The following AFF1 variants were observed in gnomAD, a reference collection of about 807,000 sequenced individuals.
AFF1 encodes the protein AF4/FMR2 family member 1.
AFF1 carries 48 observed loss-of-function variants against 121.7 expected under a neutral mutation model. The ratio of observed to expected loss-of-function variants is 0.39; its 90% confidence interval spans 0.31 to 0.50. AFF1 has a LOEUF of 0.50. AFF1 is among the 20% of genes least tolerant of loss of function. The probability of loss-of-function intolerance (pLI) is 0.76; values close to 1 mark genes in which losing one functional copy is unlikely to be tolerated. For missense variants in AFF1, 1,523 were observed against 1,511.7 expected, an observed-to-expected ratio of 1.01 and a Z score of -0.12; for synonymous variants, 613 against 563.0, an observed-to-expected ratio of 1.09 and a Z score of -1.26.
At position 87,047,213 on chromosome 4, in the gene AFF1, A is replaced by G; in HGVS notation, c.678A>G (p.Gln226=). Reference sequence around the variant, plus strand: ...TGTCACCTATACATTCCAACCAGCAAACTCTTCCCCGGACGCAAGGAAGCA... The same window carrying G: ...TGTCACCTATACATTCCAACCAGCAGACTCTTCCCCGGACGCAAGGAAGCA... ...PPLSPIHSNQ[Q]TLPRTQGSSK... The change falls in exon 4 of 21, where the codon CAA becomes CAG. Residue 226 remains glutamine (Q), a synonymous_variant. Transcript: ENST00000395146. 3 of 1,614,072 alleles carry G rather than the reference A, an allele frequency of 1.9e-6. No homozygotes were observed. The South Asian group carries it at 3.3e-5, about 18-fold the overall frequency.
intron 2 of AFF1, among the ~76,000 whole-genome samples, chr4:87,005,707 AC>A (rs1726053539): frequency 6.6e-6 from 1 of 152,234 alleles, no homozygotes; most frequent in Non-Finnish European, 1.5e-5. Context: ...CCATTTTATC[AC>A]AAAGAACATC....
chr4:87,094,863 G>C, intron 7 of AFF1, 52 bp from the exon 8 acceptor site: 1 of 1,572,662 alleles, frequency 6.4e-7, no homozygotes, highest in Non-Finnish European at 8.7e-7. Flanking sequence ...CACAACTAAG[G>C]ATCTTGTAAA....
intron 1 of AFF1, among the ~76,000 whole-genome samples, chr4:86,946,732 A>T (rs1720892109): frequency 6.6e-6 from 1 of 151,992 alleles, no homozygotes; most frequent in African/African-American, 2.4e-5. Context: ...CTCAGGATAC[A>T]TTTGTTGGTT....
At chr4:87,122,648 A>G (rs1389285731) in intron 12 of AFF1, among the ~76,000 whole-genome samples, 3 of 152,132 alleles carry the variant, frequency 2.0e-5, no homozygotes, top group Non-Finnish European at 4.4e-5. Flanking sequence ...CTAATGAATT[A>G]TTACATTTCT....
chr4:86,997,878 GC>G (rs1725342577), intron 2 of AFF1, among the ~76,000 whole-genome samples: 1 of 151,996 alleles, frequency 6.6e-6, no homozygotes, highest in Non-Finnish European at 1.5e-5. Flanking sequence ...GGAGGCCGAG[GC>G]TGAGGTCAAG....
At position 87,138,332 on chromosome 4, in the gene AFF1, G is replaced by A; in HGVS notation, c.*2631G>A. 4.3e-6 allele frequency: 1 copy of A among 232,298 alleles called. No individual in the cohort carries two copies. The highest frequency in any genetic ancestry group is 6.1e-5 in the East Asian group (1 of 16,394). 14.4% of individuals were successfully genotyped at this position (232,298 alleles called of 1,614,324 possible). ...CTTACAATTCCCAAAGGCAAAATCT[G>A]TACTGAGGTAGATCATTTGAAAGGG... On this transcript the variant is annotated 3_prime_UTR_variant, in exon 21 of 21. Transcript: ENST00000395146.
At chr4:86,986,845 GTTA>G (rs956781242) in intron 2 of AFF1, among the ~76,000 whole-genome samples, 18 of 151,904 alleles carry the variant, frequency 1.2e-4, no homozygotes, top group African/African-American at 1.5e-4. Flanking sequence ...TAGTATTGTG[GTTA>G]TTATTATTAT....
intron 4 of AFF1, among the ~76,000 whole-genome samples, chr4:87,079,355 C>T (rs527974440): frequency 1.3e-5 from 2 of 152,298 alleles, no homozygotes; most frequent in South Asian, 2.1e-4. Context: ...GGTATCAGTG[C>T]GTTTCCTTAC....
intron 12 of AFF1, among the ~76,000 whole-genome samples, chr4:87,122,883 A>T (rs1427742045): frequency 2.9e-5 from 2 of 67,876 alleles, no homozygotes; most frequent in Admixed American, 1.3e-4. Context: ...AAAATTAGTA[A>T]AAAAAAAAAA....
At chr4:87,047,743 C>A (rs1470533473) in intron 4 of AFF1, 149 bp downstream of exon 4, 2 of 1,014,890 alleles carry the variant, frequency 2.0e-6, no homozygotes, top group Admixed American at 1.7e-5. Flanking sequence ...TGTTAATAAC[C>A]CGCGAAAAAC....
Position 87,040,871 on chromosome 4 carries a change from C to CTTT in AFF1, c.39-5275_39-5273dup, listed in dbSNP as rs780348229. On this transcript the variant is annotated intron_variant, in intron 2 of 20. Transcript: ENST00000395146. ...TACAGGCGTGAGCCACCATGCCCTGCTTTTTTTTTTTTTTTTTTTTTTGAG... is the reference window on the plus strand; with the variant it reads ...TACAGGCGTGAGCCACCATGCCCTGCTTTTTTTTTTTTTTTTTTTTTTTTTGAG... Among the ~76,000 whole-genome samples, 462 of 67,084 alleles carry CTTT rather than the reference C, an allele frequency of 6.9e-3. 48 individuals are homozygous for CTTT. The highest frequency in any genetic ancestry group is 0.025 in the African/African-American group (299 of 12,090). The allele number at this position is 67,084 out of a possible 152,430, so 44.0% of individuals were successfully genotyped here.
chr4:87,097,234 C>T (rs2149728452), intron 8 of AFF1, among the ~76,000 whole-genome samples: 1 of 152,294 alleles, frequency 6.6e-6, no homozygotes, highest in East Asian at 1.9e-4. Flanking sequence ...GGAGCTCTCC[C>T]AGGAGTAGAG....
Position 87,139,331 on chromosome 4 carries a change from C to T in AFF1, c.*3630C>T, listed in dbSNP as rs1033494182. 34 of 232,914 alleles carry T rather than the reference C, an allele frequency of 1.5e-4. No homozygotes were observed. The highest frequency in any genetic ancestry group is 6.0e-4 in the African/African-American group (27 of 45,292). The allele number at this position is 232,914 out of a possible 1,614,324, so 14.4% of individuals were successfully genotyped here. ...AGGTTGAGGCTTGAGGCTGGGCTTT[C>T]GGGTTTTTTTGTTTTTTGTTTTGTT... is the stretch of plus-strand genomic sequence containing the variant. On this transcript the variant is annotated 3_prime_UTR_variant, in exon 21 of 21. Transcript: ENST00000395146.
chr4:87,128,116 C>CA (rs1324272312), intron 16 of AFF1, among the ~76,000 whole-genome samples: 12 of 152,310 alleles, frequency 7.9e-5, no homozygotes, highest in African/African-American at 2.9e-4. Flanking sequence ...TGTTGAAACT[C>CA]AGTCAACGTG....
At chr4:87,085,268 G>C (rs1037717525) in intron 5 of AFF1, among the ~76,000 whole-genome samples, 1 of 151,914 alleles carries the variant, frequency 6.6e-6, no homozygotes, top group Admixed American at 6.6e-5. Flanking sequence ...TTCCCATTTT[G>C]CCTTTAATTT....
chr4:86,966,217 T>G (rs1722529175), intron 2 of AFF1, among the ~76,000 whole-genome samples: 3 of 152,098 alleles, frequency 2.0e-5, no homozygotes, highest in Admixed American at 6.5e-5. Context: ...CTTCAGTAAA[T>G]GCTCAGCACC....
At chr4:87,128,052 G>A (rs763064293) in intron 16 of AFF1, among the ~76,000 whole-genome samples, 1 of 152,158 alleles carries the variant, frequency 6.6e-6, no homozygotes, top group Non-Finnish European at 1.5e-5. Context: ...TTAATGCATA[G>A]GTGCCTTTTT....
intron 2 of AFF1, among the ~76,000 whole-genome samples, chr4:86,949,220 G>T (rs1367007410): frequency 1.4e-5 from 2 of 147,246 alleles, no homozygotes; most frequent in Non-Finnish European, 3.0e-5. Context: ...TGTTGCCCAG[G>T]CTGGAGTGCA....
intron 18 of AFF1, 55 bp downstream of exon 18, chr4:87,131,919 G>C (rs904491648): frequency 7.2e-7 from 1 of 1,384,948 alleles, no homozygotes; most frequent in African/African-American, 1.5e-5. Flanking sequence ...ATCTGTTGAT[G>C]TTACAAAAAG....
Sources: allele counts gnomAD v4.1 joint callset (sites outside exome capture counted in the v4.1 genomes callset), GRCh38; gene constraint gnomAD v4.1.1; transcripts MANE v1.5; gene names NCBI Gene and HGNC (gene_info 2026-07-23, HGNC 2026-07-21).